Variants in TCF20 observed in about 807,000 individuals in gnomAD.
The protein encoded by TCF20 is transcription factor 20, also known as SPRE-binding protein.
TCF20 carries 3 observed loss-of-function variants against 148.6 expected under a neutral mutation model. The observed-to-expected ratio is 0.02, with a 90% CI of 0.01 to 0.05. The LOEUF is 0.05. Ranked by LOEUF, TCF20 falls within the 10% of genes least tolerant of loss-of-function variation. The pLI, the probability that TCF20 is intolerant of heterozygous loss-of-function variation, is 1.00. For synonymous variants in TCF20, 1,049 were observed against 909.5 expected (o/e 1.15, Z -2.76); for missense variants, 2,350 against 2,429.3 (o/e 0.97, Z 0.69).
chr22:42,161,497 G>T, intron 5 of TCF20, 139 bp from the exon 6 acceptor site: 1 of 1,116,736 alleles, frequency 9.0e-7, no homozygotes, highest in Non-Finnish European at 1.3e-6. Context: ...CTGCTGATAT[G>T]GGACACACCC....
At chr22:42,252,280 C>T (rs1925438211) in intron 1 of TCF20, among the ~76,000 whole-genome samples, 2 of 147,046 alleles carry the variant, frequency 1.4e-5, no homozygotes, top group Middle Eastern at 3.2e-3. Flanking sequence ...GAAAGTCCAT[C>T]TCAAAAAAAA....
chr22:42,332,780 G>A (rs1393630035), intron 1 of TCF20, among the ~76,000 whole-genome samples: 1 of 152,200 alleles, frequency 6.6e-6, no homozygotes, highest in Non-Finnish European at 1.5e-5. Flanking sequence ...GCCAATTTCT[G>A]ATAAAGCAAC....
chr22:42,230,225 C>G (rs142165677), intron 1 of TCF20, among the ~76,000 whole-genome samples: 2 of 152,190 alleles, frequency 1.3e-5, no homozygotes, highest in Non-Finnish European at 2.9e-5. Flanking sequence ...ACAATGACCA[C>G]GTACACAATG....
In TCF20 at chr22:42,211,994, A is replaced by T; in HGVS notation, c.3312T>A (p.Ser1104=). The T allele has an allele frequency of 6.2e-7, 1 of 1,614,214 alleles. No homozygotes were observed. The highest frequency in any genetic ancestry group is 8.5e-7 in the Non-Finnish European group (1 of 1,180,022). ...GTGCTGCAGCAATTACTCCCTGAGC[A>T]GAACCGCTGCTCCAGTCTTTATACT... ...PEEYKDWSSG[S]AQGVIAAAQH... The change falls in exon 2 of 6, where the codon TCT becomes TCA. Residue 1104 remains serine, a synonymous_variant. Transcript: ENST00000677622.
At chr22:42,243,310 A>AAAAACAAAAAAAAAAAAAC (rs1555943091) in intron 1 of TCF20, among the ~76,000 whole-genome samples, 1 of 140,864 alleles carries the variant, frequency 7.1e-6, no homozygotes, top group Non-Finnish European at 1.5e-5. Flanking sequence ...AAAAAAAAAA[A>AAAAACAAAAAAAAAAAAAC]AAAAAAAAAA....
Position 42,209,673 on chromosome 22 carries a change from G to A in TCF20, c.5633C>T (p.Ala1878Val). The A allele has an allele frequency of 1.2e-6, 2 of 1,610,292 alleles. No homozygotes were observed. The highest frequency in any genetic ancestry group is 1.3e-5 in the African/African-American group (1 of 74,840). The change falls in exon 2 of 6, where the codon GCG (alanine) becomes GTG (valine). Residue 1878 changes from alanine (A) to valine (V), a missense_variant. Physicochemically the swap from Ala to Val is moderately conservative, Grantham distance 64. This residue lies in a region of TCF20 where 30 missense variants were observed against 59.5 expected (regional missense o/e 0.50). Transcript: ENST00000677622. ...CACCATCTCTCTGGCTATTTCCAGC[G>A]CTTCCTGCAGGCCATAGAGCCTGCC... ...VCGRLYGLQE[A>V]LEIAREMKCS... is the part of the protein sequence containing the mutation.
At chr22:42,324,769 G>C (rs114965347) in intron 1 of TCF20, among the ~76,000 whole-genome samples, 44 of 100,070 alleles carry the variant, frequency 4.4e-4, no homozygotes, top group African/African-American at 1.5e-3. Flanking sequence ...GTTCTGAATC[G>C]TGTGGTTTGC....
intron 1 of TCF20, among the ~76,000 whole-genome samples, chr22:42,323,903 AGG>A (rs1927790493): frequency 1.8e-4 from 3 of 16,838 alleles, no homozygotes; most frequent in Non-Finnish European, 3.7e-4. Context: ...ATGGTGGTGG[AGG>A]TGGTGGTGGT....
At chr22:42,208,535 C>T (rs1156490260) in intron 2 of TCF20, among the ~76,000 whole-genome samples, 2 of 151,942 alleles carry the variant, frequency 1.3e-5, no homozygotes, top group African/African-American at 4.8e-5. Flanking sequence ...CCCCAGAGTT[C>T]GAGAATGCAG....
chr22:42,198,665 GT>G (rs56309420), intron 2 of TCF20, among the ~76,000 whole-genome samples: 197 of 140,554 alleles, frequency 1.4e-3, no homozygotes, highest in Middle Eastern at 3.6e-3. Flanking sequence ...ATTTTTCCAA[GT>G]TTTTTTTTTT....
chr22:42,251,459 G>A (rs1925357487), intron 1 of TCF20, among the ~76,000 whole-genome samples: 1 of 148,530 alleles, frequency 6.7e-6, no homozygotes, highest in African/African-American at 2.5e-5. Flanking sequence ...TGAGATTACA[G>A]GTGTGAGACT....
intron 1 of TCF20, among the ~76,000 whole-genome samples, chr22:42,220,773 C>T (rs1343097949): frequency 6.6e-6 from 1 of 152,144 alleles, no homozygotes; most frequent in East Asian, 1.9e-4. Flanking sequence ...TCCTGGCTCC[C>T]ACCCCGAGGT....
intron 1 of TCF20, among the ~76,000 whole-genome samples, chr22:42,254,778 A>G (rs1925629497): frequency 6.6e-6 from 1 of 152,144 alleles, no homozygotes; most frequent in African/African-American, 2.4e-5. Context: ...TATCTTCACC[A>G]ACACAGTGAA....
At chr22:42,180,614 A>G (rs1936723484) in intron 2 of TCF20, among the ~76,000 whole-genome samples, 1 of 152,326 alleles carries the variant, frequency 6.6e-6, no homozygotes, top group Middle Eastern at 3.4e-3. Context: ...ATGAAAAATA[A>G]AAGTGTTCCC....
intron 1 of TCF20, among the ~76,000 whole-genome samples, chr22:42,254,657 C>A (rs134866): frequency 6.6e-6 from 1 of 152,008 alleles, no homozygotes; most frequent in African/African-American, 2.4e-5. Context: ...CAGCCCTATA[C>A]CCTGGGAGAA....
chr22:42,176,120 C>T lies in TCF20; in HGVS notation c.5749+3489G>A, dbSNP rs116922111. Among the ~76,000 whole-genome samples the T allele has an allele frequency of 5.6e-4, 86 of 152,314 alleles. 1 individual carries two copies. In the East Asian group the frequency reaches 0.017, roughly 29 times the overall value. On this transcript the variant is annotated intron_variant, in intron 3 of 5. Coordinates refer to ENST00000677622, the MANE Select transcript of TCF20 (RefSeq NM_001378418.1). ...ACTCTGTTTCTGATTCCCTATCTTT[C>T]CGTTGATCAAATAGTGCCTTGGCCA...
At chr22:42,265,107 A>G (rs993359502) in intron 1 of TCF20, among the ~76,000 whole-genome samples, 4 of 152,246 alleles carry the variant, frequency 2.6e-5, no homozygotes, top group Non-Finnish European at 5.9e-5. Flanking sequence ...TGGGTCACGC[A>G]TATTACCCAA....
chr22:42,171,823 G>A (rs1192564938), intron 3 of TCF20, among the ~76,000 whole-genome samples: 2 of 152,136 alleles, frequency 1.3e-5, no homozygotes, highest in Non-Finnish European at 2.9e-5. Flanking sequence ...AGCACACGTG[G>A]GGCTGGGCCA....
chr22:42,208,172 A>C (rs1217111197), intron 2 of TCF20, among the ~76,000 whole-genome samples: 3 of 152,194 alleles, frequency 2.0e-5, no homozygotes, highest in Non-Finnish European at 2.9e-5. Flanking sequence ...CATGAAACTG[A>C]AACAAAAACA....
Sources: gnomAD v4.1 joint callset for allele counts (sites outside exome capture counted in the v4.1 genomes callset) on GRCh38, gnomAD v4.1.1 for gene constraint, gnomAD v4.1.1 regional missense constraint, MANE v1.5 for transcripts, NCBI Gene and HGNC (gene_info 2026-07-23, HGNC 2026-07-21) for gene names.